The following POC1A variants were observed in gnomAD, a reference collection of about 807,000 sequenced individuals.
POC1A encodes the protein POC1 centriolar protein homolog A.
Under a neutral mutation model 47.8 loss-of-function variants are expected in POC1A, and 34 were observed. The ratio of observed to expected loss-of-function variants is 0.71; its 90% CI spans 0.54 to 0.95. POC1A has a LOEUF of 0.95. POC1A is among the 40% of genes least tolerant of loss of function. POC1A has a pLI of 0.00. For missense variants in POC1A, 466 were observed against 528.3 expected, an observed-to-expected ratio of 0.88 and a Z score of 1.16; for synonymous variants, 177 against 207.6, an observed-to-expected ratio of 0.85 and a Z score of 1.27.
At chr3:52,104,684 G>A (rs1399231600) in intron 9 of POC1A, among the ~76,000 whole-genome samples, 1 of 152,220 alleles carries the variant, frequency 6.6e-6, no homozygotes. Flanking sequence ...TCCATCATCA[G>A]TCTGGGAATT....
intron 10 of POC1A, among the ~76,000 whole-genome samples, chr3:52,080,926 G>A (rs1315947313): frequency 2.6e-5 from 4 of 152,218 alleles, no homozygotes; most frequent in South Asian, 4.1e-4. Flanking sequence ...GATACTGTCC[G>A]CCTCCCAAGT....
chr3:52,143,962 T>C (rs1326027784), intron 6 of POC1A, among the ~76,000 whole-genome samples: 2 of 152,190 alleles, frequency 1.3e-5, no homozygotes, highest in Non-Finnish European at 2.9e-5. Context: ...CCATCAGAGA[T>C]GGGTCTGGAC....
At chr3:52,093,752 C>T (rs1243918413) in intron 10 of POC1A, among the ~76,000 whole-genome samples, 2 of 152,196 alleles carry the variant, frequency 1.3e-5, no homozygotes, top group African/African-American at 4.8e-5. Flanking sequence ...CACAGAGGAG[C>T]CGCTGAAGGG....
At chr3:52,092,598 A>G (rs529055714) in intron 10 of POC1A, among the ~76,000 whole-genome samples, 54 of 152,102 alleles carry the variant, frequency 3.6e-4, no homozygotes, top group Non-Finnish European at 7.6e-4. Context: ...TCAGATAAAA[A>G]CCAGGAGGAT....
intron 9 of POC1A, among the ~76,000 whole-genome samples, chr3:52,106,149 C>T (rs1232715523): frequency 4.3e-5 from 6 of 138,366 alleles, no homozygotes; most frequent in African/African-American, 1.1e-4. Context: ...GAGCCGAGAT[C>T]GCGCCACTGT....
At chr3:52,142,843 G>T (rs1050270244) in intron 6 of POC1A, among the ~76,000 whole-genome samples, 1 of 152,138 alleles carries the variant, frequency 6.6e-6, no homozygotes, top group Non-Finnish European at 1.5e-5. Context: ...CTTGGGTAGA[G>T]GGTTTCCCCC....
chr3:52,117,953 C>A (rs1036139328), intron 9 of POC1A, among the ~76,000 whole-genome samples: 2 of 152,192 alleles, frequency 1.3e-5, no homozygotes, highest in East Asian at 1.9e-4. Context: ...ATACAGGGGT[C>A]TTTATGCCTC....
intron 3 of POC1A, 41 bp downstream of exon 3, chr3:52,149,775 G>C (rs1559854833): frequency 6.3e-7 from 1 of 1,582,292 alleles, no homozygotes; most frequent in Non-Finnish European, 8.6e-7. Context: ...TGGCACCAGG[G>C]CCCCAGACTC....
chr3:52,094,637 T>C (rs1290737836), intron 10 of POC1A, among the ~76,000 whole-genome samples: 2 of 152,288 alleles, frequency 1.3e-5, no homozygotes, highest in African/African-American at 2.4e-5. Context: ...TGGTGCTTCA[T>C]CTGCAGAACT....
chr3:52,121,398 C>A (rs2107085852), intron 9 of POC1A, among the ~76,000 whole-genome samples: 1 of 152,326 alleles, frequency 6.6e-6, no homozygotes, highest in East Asian at 1.9e-4. Context: ...CAGAGGACAG[C>A]CAAGAGACCA....
intron 6 of POC1A, among the ~76,000 whole-genome samples, chr3:52,142,628 G>A (rs763406624): frequency 3.9e-5 from 6 of 152,190 alleles, no homozygotes; most frequent in South Asian, 2.1e-4. Flanking sequence ...TCCAACACCC[G>A]AAGGCCATTC....
At chr3:52,111,370 G>T (rs1703373728) in intron 9 of POC1A, among the ~76,000 whole-genome samples, 1 of 152,308 alleles carries the variant, frequency 6.6e-6, no homozygotes, top group Non-Finnish European at 1.5e-5. Context: ...CTGCAGGCCG[G>T]GCACGGTGGC....
intron 10 of POC1A, among the ~76,000 whole-genome samples, chr3:52,089,646 G>A (rs771328577): frequency 1.1e-4 from 16 of 152,200 alleles, no homozygotes; most frequent in Admixed American, 2.6e-4. Context: ...AGCAGTGTTA[G>A]GAGGGCTGCA....
intron 6 of POC1A, among the ~76,000 whole-genome samples, chr3:52,145,389 G>C (rs1698330099): frequency 6.6e-6 from 1 of 152,200 alleles, no homozygotes; most frequent in Non-Finnish European, 1.5e-5. Flanking sequence ...ACCAGAGGTG[G>C]CCACGGTCCC....
intron 1 of POC1A, among the ~76,000 whole-genome samples, chr3:52,151,420 A>G (rs1698551235): frequency 1.3e-5 from 2 of 152,328 alleles, no homozygotes; most frequent in South Asian, 4.1e-4. Flanking sequence ...TCCAAAAAAT[A>G]AAACTATTTA....
At chr3:52,121,550 C>A (rs1203703301) in intron 9 of POC1A, among the ~76,000 whole-genome samples, 1 of 152,168 alleles carries the variant, frequency 6.6e-6, no homozygotes, top group Non-Finnish European at 1.5e-5. Context: ...CACAGAAGCC[C>A]CAGGATAGAC....
At chr3:52,102,157 G>A (rs1703026719) in intron 9 of POC1A, among the ~76,000 whole-genome samples, 1 of 151,908 alleles carries the variant, frequency 6.6e-6, no homozygotes, top group Admixed American at 6.6e-5. Context: ...TTGGAACTAT[G>A]GTTTGATGCC....
chr3:52,125,029 T>A (rs1379642634), intron 8 of POC1A, 84 bp downstream of exon 8: 8 of 1,063,872 alleles, frequency 7.5e-6, no homozygotes, highest in Non-Finnish European at 1.1e-5. Flanking sequence ...ACCCAGCCCA[T>A]CCCCCAAACA....
rs1703213057 is a variant in POC1A, at chr3:52,107,109, A to G, written c.982-10397T>C. Among the ~76,000 whole-genome samples, 3 of 152,254 alleles carry G rather than the reference A, an allele frequency of 2.0e-5. No individual in the cohort carries two copies. The South Asian group carries it at 6.2e-4, about 31-fold the overall frequency. ...GGTGACGGCTAAGTAACTTCAAACC[A>G]GTAGAGGCAGTGAGGAAGCAGCAAG... On this transcript the variant is annotated intron_variant, in intron 9 of 10. Coordinates refer to ENST00000296484, the MANE Select transcript of POC1A (RefSeq NM_015426.5).
Sources: gnomAD v4.1 joint callset for allele counts (sites outside exome capture counted in the v4.1 genomes callset) on GRCh38, gnomAD v4.1.1 for gene constraint, MANE v1.5 for transcripts, NCBI Gene and HGNC (gene_info 2026-07-23, HGNC 2026-07-21) for gene names.